RTTN: variants seen among roughly 807,000 people sequenced by gnomAD.
The protein encoded by RTTN is rotatin.
RTTN carries 182 observed loss-of-function variants against 269.2 expected under a neutral mutation model. The observed-to-expected ratio is 0.68, with a 90% CI of 0.60 to 0.76. The LOEUF is 0.76. RTTN is among the 30% of genes least tolerant of loss of function. The probability of loss-of-function intolerance (pLI) is 0.00; values close to 1 mark genes in which losing one functional copy is unlikely to be tolerated. For synonymous variants in RTTN, 1,006 were observed against 963.5 expected (o/e 1.04, Z -0.82); for missense variants, 2,545 against 2,608.6 (o/e 0.98, Z 0.53).
Position 70,094,727 on chromosome 18 carries a change from G to A in RTTN, c.3904-1923C>T, listed in dbSNP as rs1038774488. Among the ~76,000 whole-genome samples, 106 of 152,290 alleles carry A rather than the reference G, an allele frequency of 7.0e-4. No homozygotes were observed. In the Middle Eastern group the frequency reaches 0.01, roughly 15 times the overall value. On this transcript the variant is annotated intron_variant, in intron 28 of 48. Transcript: ENST00000640769. ...AATTATGTGGTCAATTTTAGAATAAGTGCGATGTGGTGCTGAGAAGAATGT... is the reference window on the plus strand; with the variant it reads ...AATTATGTGGTCAATTTTAGAATAAATGCGATGTGGTGCTGAGAAGAATGT...
intron 46 of RTTN, among the ~76,000 whole-genome samples, chr18:70,011,047 G>A (rs555083419): frequency 4.9e-4 from 75 of 152,192 alleles, no homozygotes; most frequent in Admixed American, 2.6e-3. Context: ...GGAAGAAGTC[G>A]AATCCCTGAA....
chr18:70,093,747 A>C (rs1020061019), intron 28 of RTTN, among the ~76,000 whole-genome samples: 1 of 152,134 alleles, frequency 6.6e-6, no homozygotes, highest in African/African-American at 2.4e-5. Context: ...CTCAGTGATA[A>C]TGACCTGAAA....
intron 12 of RTTN, 69 bp from the exon 13 acceptor site, chr18:70,167,100 A>G (rs1314055710): frequency 1.0e-6 from 1 of 954,254 alleles, no homozygotes. Context: ...ACAGCTAACT[A>G]AGCAGCTTCA....
At position 70,058,238 on chromosome 18, in the gene RTTN, C is replaced by T. The variant is rs368501068; in HGVS notation, c.4941-406G>A. Among the ~76,000 whole-genome samples, 7 of 152,228 alleles carry T rather than the reference C, an allele frequency of 4.6e-5. No homozygotes were observed. The East Asian group carries it at 5.8e-4, about 13-fold the overall frequency. On this transcript the variant is annotated intron_variant, in intron 36 of 48. Coordinates refer to ENST00000640769, the MANE Select transcript of RTTN (RefSeq NM_173630.4). ...AAAAACAAAATAAAGTAAAACAGGC[C>T]GGGTGCGGTGGCTCACGCCTGTAAT...
intron 27 of RTTN, among the ~76,000 whole-genome samples, chr18:70,110,945 T>G (rs1014957793): frequency 6.6e-6 from 1 of 152,194 alleles, no homozygotes; most frequent in Non-Finnish European, 1.5e-5. Context: ...ACTAAGCCAC[T>G]GGGAAGTTCG....
At chr18:70,041,015 T>G (rs1392690299) in intron 40 of RTTN, among the ~76,000 whole-genome samples, 2 of 150,592 alleles carry the variant, frequency 1.3e-5, no homozygotes, top group African/African-American at 4.9e-5. Flanking sequence ...AGGTCAGGAG[T>G]TCGAGACCAG....
At position 70,163,069 on chromosome 18, in the gene RTTN, TAAAAA is replaced by T. The variant is rs10559303; in HGVS notation, c.1929+2988_1929+2992del. Among the ~76,000 whole-genome samples the T allele has an allele frequency of 3.5e-3, 197 of 56,982 alleles. 2 individuals carry two copies. The highest frequency in any genetic ancestry group is 0.013 in the African/African-American group (185 of 14,168). 37.4% of individuals were successfully genotyped at this position (56,982 alleles called of 152,430 possible). The stretch of plus-strand genomic sequence containing the variant: ...CACCCATTAGGATGGTTACTATTAT[TAAAAA>T]AAAAAAAAAAAAAAAAAAAAAAAAC... On this transcript the variant is annotated intron_variant, in intron 14 of 48. Transcript: ENST00000640769.
chr18:70,140,156 A>G lies in RTTN; in HGVS notation c.2614T>C (p.Cys872Arg), dbSNP rs779859583. The change falls in exon 20 of 49, where the codon TGC becomes CGC. Residue 872 changes from cysteine (C) to arginine (R), a missense_variant. Transcript: ENST00000640769. ...TACTCAATTATTTTGTCAATTAAGC[A>G]TAACTTTTTCACCACAGCATGCATT... ...IKMHAVVKKL[C>R]LIDKIIEYLN... 3.4e-5 allele frequency: 54 copies of G among 1,600,410 alleles called. No homozygotes were observed. The highest frequency in any genetic ancestry group is 4.0e-5 in the African/African-American group (3 of 74,636).
Position 70,075,463 on chromosome 18 carries a change from G to C in RTTN, c.4453C>G (p.His1485Asp). Residue 1485 changes from histidine to aspartate, a missense_variant, in exon 33 of 49, where the codon CAT becomes GAT. By Grantham distance (81) the His-to-Asp change is moderately conservative. Coordinates refer to ENST00000640769, the MANE Select transcript of RTTN (RefSeq NM_173630.4). ...PALQALLYHC[H>D]FYEHLNQMVK... ...ATCTGATTCAAATGTTCATAAAAAT[G>C]GCAGTGATATAAAAGAGCCTGAAGG... The C allele has an allele frequency of 6.2e-7, 1 of 1,608,812 alleles. No individual in the cohort carries two copies.
rs182157946 is a variant in RTTN at position 70,092,670 on chromosome 18, G to A, written c.4032+6C>T. 4.9e-4 allele frequency: 797 copies of A among 1,611,044 alleles called. 5 individuals carry two copies. The highest frequency in any genetic ancestry group is 4.6e-3 in the Middle Eastern group (28 of 6,048). On this transcript the variant is annotated splice_donor_region_variant and intron_variant, in intron 29 of 48. Transcript: ENST00000640769. ...TTCAGAAGATAGACAGCTTTAACGC[G>A]CTCACCAAGCTCCCAGCCTGGGCCA...
intron 28 of RTTN, among the ~76,000 whole-genome samples, chr18:70,100,989 T>C (rs1449203027): frequency 6.6e-6 from 1 of 152,246 alleles, no homozygotes; most frequent in Non-Finnish European, 1.5e-5. Context: ...CAGTATTTTA[T>C]TGAGGATTTT....
chr18:70,205,511 G>C (rs371801122), intron 1 of RTTN, 117 bp downstream of exon 1: 1 of 1,427,314 alleles, frequency 7.0e-7, no homozygotes, highest in Non-Finnish European at 9.9e-7. Context: ...CTGACAAAGC[G>C]GGGGTGAAAG....
At chr18:70,032,057 C>A (rs1170422920) in intron 40 of RTTN, among the ~76,000 whole-genome samples, 1 of 152,218 alleles carries the variant, frequency 6.6e-6, no homozygotes, top group Non-Finnish European at 1.5e-5. Context: ...AGAACTCCAG[C>A]TGGGGCAGAG....
At chr18:70,114,660 A>C in intron 26 of RTTN, 61 bp from the exon 27 acceptor site, 1 of 1,511,310 alleles carries the variant, frequency 6.6e-7, no homozygotes. Flanking sequence ...GTTTCCTATA[A>C]AGGGTTTGGT....
chr18:70,040,641 C>T (rs779112122), intron 40 of RTTN, among the ~76,000 whole-genome samples: 12 of 152,114 alleles, frequency 7.9e-5, no homozygotes, highest in South Asian at 4.1e-4. Flanking sequence ...AGATATTTAC[C>T]GAACATTTCA....
At chr18:70,114,318 A>T in intron 27 of RTTN, 127 bp downstream of exon 27, 2 of 904,230 alleles carry the variant, frequency 2.2e-6, no homozygotes, top group Non-Finnish European at 3.3e-6. Context: ...ACTATAACTG[A>T]TTATTATTTA....
Position 70,205,610 on chromosome 18 carries a change from G to A in RTTN, c.31+18C>T, listed in dbSNP as rs569832958. 202 of 1,614,046 alleles carry A rather than the reference G, an allele frequency of 1.3e-4. 1 individual carries two copies. The South Asian group carries it at 2.0e-3, about 16-fold the overall frequency. On this transcript the variant is annotated intron_variant, in intron 1 of 48. Coordinates refer to ENST00000640769, the MANE Select transcript of RTTN (RefSeq NM_173630.4). ...GAGCGCGGGGGGTGCCTTGGGCGAG[G>A]GGCAAGCTGACAGTTACCGAGTTTC...
intron 35 of RTTN, chr18:70,061,193 C>T: frequency 2.9e-6 from 1 of 349,598 alleles, no homozygotes; most frequent in Non-Finnish European, 5.6e-6. Flanking sequence ...CAGTGGTTCC[C>T]AACAACACTG....
chr18:70,180,877 T>C (rs2061408773), intron 10 of RTTN, among the ~76,000 whole-genome samples: 1 of 152,208 alleles, frequency 6.6e-6, no homozygotes, highest in African/African-American at 2.4e-5. Flanking sequence ...ATTAAAAGTA[T>C]CTATCACCCA....
Sources: allele counts gnomAD v4.1 joint callset (sites outside exome capture counted in the v4.1 genomes callset), GRCh38; gene constraint gnomAD v4.1.1; transcripts MANE v1.5; gene names NCBI Gene and HGNC (gene_info 2026-07-23, HGNC 2026-07-21).